FYN: variants seen among roughly 807,000 people sequenced by gnomAD.
FYN encodes tyrosine-protein kinase Fyn.
Under a neutral mutation model 70.2 loss-of-function variants are expected in FYN, and 10 were observed. That is an observed-to-expected ratio of 0.14 (90% CI 0.09 to 0.24). The LOEUF (loss-of-function observed/expected upper bound fraction) is 0.24. Ranked by LOEUF, FYN falls within the 10% of genes least tolerant of loss-of-function variation. The probability of loss-of-function intolerance (pLI) is 1.00; values close to 1 mark genes in which losing one functional copy is unlikely to be tolerated. For missense variants in FYN, 319 were observed against 673.1 expected (o/e 0.47, Z 5.82); for synonymous variants, 236 against 248.6 (o/e 0.95, Z 0.48).
intron 13 of FYN, among the ~76,000 whole-genome samples, chr6:111,668,647 G>A (rs987085432): frequency 6.6e-6 from 1 of 152,042 alleles, no homozygotes; most frequent in Admixed American, 6.6e-5. Context: ...CTCTTCACAC[G>A]CATTCTCCCC....
At chr6:111,851,937 A>G (rs1180148089) in intron 1 of FYN, among the ~76,000 whole-genome samples, 1 of 151,566 alleles carries the variant, frequency 6.6e-6, no homozygotes, top group African/African-American at 2.4e-5. Context: ...GCTTTTATGT[A>G]ATACTGTCCT....
chr6:111,785,469 G>A (rs993430615), intron 2 of FYN, among the ~76,000 whole-genome samples: 20 of 152,056 alleles, frequency 1.3e-4, no homozygotes, highest in African/African-American at 4.6e-4. Context: ...TCTGACTCTG[G>A]CCTCTCTTTT....
chr6:111,834,198 T>C (rs1196699239), intron 2 of FYN, among the ~76,000 whole-genome samples: 1 of 152,154 alleles, frequency 6.6e-6, no homozygotes, highest in African/African-American at 2.4e-5. Flanking sequence ...TTTAGAATAC[T>C]GGTTCCATTG....
At chr6:111,827,009 C>A (rs1478722495) in intron 2 of FYN, among the ~76,000 whole-genome samples, 1 of 152,154 alleles carries the variant, frequency 6.6e-6, no homozygotes, top group East Asian at 1.9e-4. Context: ...ATTTCCTGAG[C>A]CCTTATCAGA....
intron 1 of FYN, among the ~76,000 whole-genome samples, chr6:111,863,673 A>G (rs1355138499): frequency 6.6e-6 from 1 of 152,190 alleles, no homozygotes; most frequent in Admixed American, 6.5e-5. Flanking sequence ...CTATTTTTGG[A>G]TACCTCAAAG....
chr6:111,840,207 A>T (rs949526476), intron 2 of FYN, among the ~76,000 whole-genome samples: 5 of 152,238 alleles, frequency 3.3e-5, no homozygotes, highest in Non-Finnish European at 7.3e-5. Flanking sequence ...ATGCCCCCCA[A>T]AAGGTATTCA....
chr6:111,762,024 G>A (rs114548722), intron 3 of FYN, among the ~76,000 whole-genome samples: 1,671 of 152,268 alleles, frequency 0.011, 24 homozygotes, highest in African/African-American at 0.036. Context: ...ATGCCCTTCC[G>A]TGAGAAGGAA....
intron 12 of FYN, among the ~76,000 whole-genome samples, chr6:111,692,383 G>A (rs1799373234): frequency 6.6e-6 from 1 of 152,150 alleles, no homozygotes. Flanking sequence ...GCAGAGGAAC[G>A]GCTGGGGGCC....
At chr6:111,733,080 C>T (rs1801544570) in intron 3 of FYN, among the ~76,000 whole-genome samples, 2 of 152,198 alleles carry the variant, frequency 1.3e-5, no homozygotes, top group Admixed American at 6.5e-5. Context: ...GTGTGGGCCA[C>T]GTGTCTCCCC....
chr6:111,839,512 G>A (rs1463982603), intron 2 of FYN, among the ~76,000 whole-genome samples: 1 of 152,182 alleles, frequency 6.6e-6, no homozygotes, highest in East Asian at 1.9e-4. Flanking sequence ...CTATACTGAT[G>A]CAGAAAATGT....
At chr6:111,790,872 T>C (rs1771593306) in intron 2 of FYN, among the ~76,000 whole-genome samples, 1 of 152,200 alleles carries the variant, frequency 6.6e-6, no homozygotes, top group African/African-American at 2.4e-5. Context: ...TGTAAGACTT[T>C]ATGCTGAAAA....
At position 111,709,077 on chromosome 6, in the gene FYN, T is replaced by C. The variant is rs747478391; in HGVS notation, c.345-1057A>G. 2.0e-4 allele frequency: 31 copies of C among 152,220 alleles called. 1 individual carries two copies. Among genetic ancestry groups the C allele is most frequent in the African/African-American group, 7.0e-4 (29 of 41,536 alleles). The allele number at this position is 152,220 out of a possible 1,614,324, so 9.4% of individuals were successfully genotyped here. ...TTCCACCAGCCTGCAGTCAACGACA[T>C]GATTGCCCTCAAGCAAATCAGACCT... On this transcript the variant is annotated intron_variant, in intron 5 of 13. Transcript: ENST00000354650.
chr6:111,765,165 C>T (rs1226531351), intron 3 of FYN, among the ~76,000 whole-genome samples: 1 of 152,084 alleles, frequency 6.6e-6, no homozygotes, highest in African/African-American at 2.4e-5. Flanking sequence ...CACATGAGCA[C>T]ACACACTCTC....
chr6:111,741,414 G>A (rs1258965328), intron 3 of FYN, among the ~76,000 whole-genome samples: 1 of 152,172 alleles, frequency 6.6e-6, no homozygotes, highest in Non-Finnish European at 1.5e-5. Context: ...ATGCATACGT[G>A]TGCATCTGCA....
intron 3 of FYN, among the ~76,000 whole-genome samples, chr6:111,727,404 A>C (rs972861838): frequency 1.3e-5 from 2 of 152,190 alleles, no homozygotes; most frequent in Non-Finnish European, 2.9e-5. Context: ...TACAGGCAAA[A>C]CTTTCTGGAA....
At chr6:111,857,376 G>C (rs1424579952) in intron 1 of FYN, among the ~76,000 whole-genome samples, 1 of 152,100 alleles carries the variant, frequency 6.6e-6, no homozygotes, top group Non-Finnish European at 1.5e-5. Context: ...CTAAACAAGG[G>C]GAAGCCAGAA....
At chr6:111,691,368 T>C (rs1215651724) in intron 12 of FYN, among the ~76,000 whole-genome samples, 2 of 152,236 alleles carry the variant, frequency 1.3e-5, no homozygotes, top group South Asian at 2.1e-4. Flanking sequence ...TTGTCATTCA[T>C]GGTCCTAAAA....
intron 3 of FYN, among the ~76,000 whole-genome samples, chr6:111,771,918 A>G (rs1273774357): frequency 1.3e-5 from 2 of 152,040 alleles, no homozygotes; most frequent in African/African-American, 4.8e-5. Flanking sequence ...GCCTGAGGCA[A>G]GAACTGTAGT....
intron 3 of FYN, among the ~76,000 whole-genome samples, chr6:111,768,512 C>T (rs1238195218): frequency 2.6e-5 from 4 of 152,174 alleles, no homozygotes; most frequent in Non-Finnish European, 5.9e-5. Context: ...TAAGTGGATA[C>T]AATTGAGTAA....
Sources: gnomAD v4.1 joint callset for allele counts (sites outside exome capture counted in the v4.1 genomes callset) on GRCh38, gnomAD v4.1.1 for gene constraint, MANE v1.5 for transcripts, NCBI Gene and HGNC (gene_info 2026-07-23, HGNC 2026-07-21) for gene names.